TPD52L3: variants seen among roughly 807,000 people sequenced by gnomAD.
TPD52L3 encodes the protein tumor protein D55.
In TPD52L3, 12 loss-of-function variants were observed where a neutral mutation model predicts 8.7. The observed-to-expected ratio is 1.38, with a 90% CI of 0.89 to 2.24. The LOEUF (loss-of-function observed/expected upper bound fraction) is 2.24, where lower values mean the gene tolerates loss of function less well. TPD52L3 is among the 30% of genes most tolerant of loss of function. TPD52L3 has a pLI of 0.00. For synonymous variants in TPD52L3, 79 were observed against 66.8 expected (o/e 1.18, Z -0.89); for missense variants, 207 against 158.7 (o/e 1.30, Z -1.64).
In TPD52L3 at chr9:6,328,679, G is replaced by A; in HGVS notation, c.84G>A (p.Glu28=). 6 of 1,614,160 alleles carry A rather than the reference G, an allele frequency of 3.7e-6. No homozygotes were observed. The highest frequency in any genetic ancestry group is 5.1e-6 in the Non-Finnish European group (6 of 1,180,044). ...AACTGGAGGATCTGACAGAGCCCGAGCAAAGAGAGCTCAAAACCAAACTCA... is the reference window on the plus strand; with the variant it reads ...AACTGGAGGATCTGACAGAGCCCGAACAAAGAGAGCTCAAAACCAAACTCA... ...TSELEDLTEP[E]QRELKTKLTK... is the part of the protein sequence containing the mutation. Residue 28 remains glutamate, a synonymous_variant, in exon 1 of 2, where the codon GAG becomes GAA. Transcript: ENST00000314556.
At chr9:6,330,471 C>A in intron 1 of TPD52L3, 1 of 1,301,882 alleles carries the variant, frequency 7.7e-7, no homozygotes, top group Non-Finnish European at 9.8e-7. Flanking sequence ...ATCCCTCCAG[C>A]CTAAGAGGAT....
chr9:6,328,730 C>A lies in TPD52L3; in HGVS notation c.135C>A (p.Thr45=), dbSNP rs766811124. ...KLTKLEAEIV[T]LRHVLAAKER... is the part of the protein sequence containing the mutation. ...CTAAATTGGAGGCTGAAATTGTAAC[C>A]CTACGCCACGTACTAGCAGCCAAAG... Residue 45 remains threonine, a synonymous_variant, in exon 1 of 2, where the codon ACC becomes ACA. Coordinates refer to ENST00000314556, the MANE Select transcript of TPD52L3 (RefSeq NM_001001874.3). The A allele has an allele frequency of 6.2e-7, 1 of 1,613,902 alleles. No homozygotes were observed. Among genetic ancestry groups the A allele is most frequent in the East Asian group, 2.2e-5 (1 of 44,880 alleles).
At chr9:6,330,926 A>C (rs1193567823) in intron 1 of TPD52L3, 50 bp from the exon 2 acceptor site, 1 of 1,603,554 alleles carries the variant, frequency 6.2e-7, no homozygotes, top group Non-Finnish European at 8.5e-7. Context: ...TAAAAGTAGT[A>C]AAGTACATAT....
Position 6,330,989 on chromosome 9 carries a change from T to A in TPD52L3, c.381T>A (p.Asn127Lys), listed in dbSNP as rs765749522. Residue 127 changes from asparagine to lysine, a missense_variant, in exon 2 of 2, where the codon AAT becomes AAA. Physicochemically the swap from Asn to Lys is moderately conservative, Grantham distance 94. Transcript: ENST00000314556. ...TFRSFEGLIF[N>K]KYTLNQGRN ...TTTCTGGCTTAGGATTGATCTTCAATAAATACACGTTAAATCAAGGAAGGA... is the reference window on the plus strand; with the variant it reads ...TTTCTGGCTTAGGATTGATCTTCAAAAAATACACGTTAAATCAAGGAAGGA... 5 of 1,612,872 alleles carry A rather than the reference T, an allele frequency of 3.1e-6. No individual in the cohort carries two copies. The Admixed American group carries it at 8.3e-5, about 27-fold the overall frequency.
intron 1 of TPD52L3, chr9:6,329,192 C>A: frequency 1.4e-6 from 2 of 1,442,690 alleles, no homozygotes; most frequent in Non-Finnish European, 1.8e-6. Context: ...TTGCCTGGTA[C>A]TAAACCAGTG....
chr9:6,328,410 C>T lies in TPD52L3; in HGVS notation c.-186C>T. 4 of 664,166 alleles carry T rather than the reference C, an allele frequency of 6.0e-6. No individual in the cohort carries two copies. The highest frequency in any genetic ancestry group is 7.6e-6 in the Non-Finnish European group (3 of 392,204). 41.1% of individuals were successfully genotyped at this position (664,166 alleles called of 1,614,324 possible). ...TCGTCAACTCAACTGTCAAGGTGTC[C>T]ATTGTACCAGCTGGGCCATGGATCC... On this transcript the variant is annotated 5_prime_UTR_variant, in exon 1 of 2. Coordinates refer to ENST00000314556, the MANE Select transcript of TPD52L3 (RefSeq NM_001001874.3).
intron 1 of TPD52L3, chr9:6,330,103 G>C: frequency 6.3e-7 from 1 of 1,599,070 alleles, no homozygotes; most frequent in Non-Finnish European, 8.5e-7. Context: ...TCTGTCCCCT[G>C]TGATGCTGGC....
chr9:6,329,715 G>C, intron 1 of TPD52L3: 1 of 1,002,594 alleles, frequency 1.0e-6, no homozygotes, highest in Non-Finnish European at 1.2e-6. Context: ...AAAAAGAGGG[G>C]AAAATAGTGG....
Position 6,328,915 on chromosome 9 carries a change from G to A in TPD52L3, c.320G>A (p.Arg107Lys). ...ALSTMGTLIC[R>K]KLGGVKKSAT... is the part of the protein sequence containing the mutation. ...TCCACCATGGGCACTCTCATCTGCA[G>A]GAAGCTTGGAGGCGTGAAGAAGTCG... The change falls in exon 1 of 2, where the codon AGG (arginine) becomes AAG (lysine). Residue 107 changes from arginine (R) to lysine (K), a missense_variant. Transcript: ENST00000314556. 6.2e-7 allele frequency: 1 copy of A among 1,614,204 alleles called. No homozygotes were observed. Among genetic ancestry groups the A allele is most frequent in the Non-Finnish European group, 8.5e-7 (1 of 1,180,036 alleles).
At position 6,330,996 on chromosome 9, in the gene TPD52L3, A is replaced by G; in HGVS notation, c.388A>G (p.Thr130Ala). ...CTTAGGATTGATCTTCAATAAATAC[A>G]CGTTAAATCAAGGAAGGAATTAACA... ...SFEGLIFNKYTLNQGRN is the reference protein window; with the variant it reads ...SFEGLIFNKYALNQGRN The change falls in exon 2 of 2, where the codon ACG (threonine) becomes GCG (alanine). Residue 130 changes from threonine (T) to alanine (A), a missense_variant. Coordinates refer to ENST00000314556, the MANE Select transcript of TPD52L3 (RefSeq NM_001001874.3). The G allele has an allele frequency of 6.2e-7, 1 of 1,613,024 alleles. No homozygotes were observed. The highest frequency in any genetic ancestry group is 8.5e-7 in the Non-Finnish European group (1 of 1,179,490).
chr9:6,328,942 C>A lies in TPD52L3; in HGVS notation c.347C>A (p.Ala116Asp), dbSNP rs1272991489. ...CRKLGGVKKSATFRSFEGLIF... is the reference protein window; with the variant it reads ...CRKLGGVKKSDTFRSFEGLIF... ...AAGCTTGGAGGCGTGAAGAAGTCGG[C>A]CACATTCAGATCTTTTGAAGGTCTG... Residue 116 changes from alanine to aspartate, a missense_variant, in exon 1 of 2, where the codon GCC becomes GAC. Ala to Asp is a moderately radical substitution (Grantham distance 126, BLOSUM62 -2). Transcript: ENST00000314556. The A allele has an allele frequency of 3.1e-6, 5 of 1,614,070 alleles. No homozygotes were observed. The highest frequency in any genetic ancestry group is 1.6e-4 in the Middle Eastern group (1 of 6,082).
chr9:6,329,480 A>T, intron 1 of TPD52L3: 1 of 1,012,180 alleles, frequency 9.9e-7, no homozygotes, highest in African/African-American at 1.7e-5. Flanking sequence ...CAAAGCCCAA[A>T]CTCTCTTTTG....
chr9:6,330,119 T>C, intron 1 of TPD52L3: 8 of 1,605,366 alleles, frequency 5.0e-6, no homozygotes, highest in South Asian at 1.1e-5. Context: ...CTGGCTGTTA[T>C]GCCTTTGAAT....
chr9:6,330,027 G>A, intron 1 of TPD52L3: 2 of 1,391,212 alleles, frequency 1.4e-6, no homozygotes, highest in Non-Finnish European at 1.9e-6. Flanking sequence ...GGGGCTGGAG[G>A]AAAACAGGTA....
intron 1 of TPD52L3, 80 bp downstream of exon 1, chr9:6,329,042 G>A: frequency 6.2e-7 from 1 of 1,605,770 alleles, no homozygotes. Context: ...GCGGAGGGTG[G>A]GGTTGATCTG....
chr9:6,329,999 G>C, intron 1 of TPD52L3: 6 of 1,339,562 alleles, frequency 4.5e-6, no homozygotes, highest in Non-Finnish European at 5.8e-6. Flanking sequence ...TTCCTAGTTA[G>C]TTACCACCTC....
chr9:6,331,282 C>A lies in TPD52L3; in HGVS notation c.*263C>A. ...GCTGTGTGCCAGAGATAAAAGAAGT[C>A]CTGAGGAAGGGGTGTTCAACTCTGT... On this transcript the variant is annotated 3_prime_UTR_variant, in exon 2 of 2. Coordinates refer to ENST00000314556, the MANE Select transcript of TPD52L3 (RefSeq NM_001001874.3). 1 of 324,500 alleles carries A rather than the reference C, an allele frequency of 3.1e-6. No homozygotes were observed. Among genetic ancestry groups the A allele is most frequent in the Non-Finnish European group, 5.6e-6 (1 of 177,300 alleles). 20.1% of individuals were successfully genotyped at this position (324,500 alleles called of 1,614,324 possible). A position where few individuals can be genotyped will look rare whatever the true frequency, so the allele number is the denominator to read the frequency against.
rs369307917 is a variant in TPD52L3, at chr9:6,331,089, C to A, written c.*70C>A. The A allele has an allele frequency of 1.3e-6, 2 of 1,525,752 alleles. No homozygotes were observed. The highest frequency in any genetic ancestry group is 2.4e-5 in the South Asian group (2 of 84,396). 94.5% of individuals were successfully genotyped at this position (1,525,752 alleles called of 1,614,324 possible). A position where few individuals can be genotyped will look rare whatever the true frequency, so the allele number is the denominator to read the frequency against. On this transcript the variant is annotated 3_prime_UTR_variant, in exon 2 of 2. Coordinates refer to ENST00000314556, the MANE Select transcript of TPD52L3 (RefSeq NM_001001874.3). ...AACAACATGAACTTGTTCACAAGTT[C>A]CTTCTGCTTTTAAACAAAAATATCG...
At position 6,328,769 on chromosome 9, in the gene TPD52L3, G is replaced by A. The variant is rs1381226157; in HGVS notation, c.174G>A (p.Gly58=). The change falls in exon 1 of 2, where the codon GGG becomes GGA. Residue 58 remains glycine, a synonymous_variant. Coordinates refer to ENST00000314556, the MANE Select transcript of TPD52L3 (RefSeq NM_001001874.3). ...HVLAAKERRC[G]ELKRKLGLTA... Reference sequence around the variant, plus strand: ...TAGCAGCCAAAGAGAGACGCTGTGGGGAACTCAAGAGGAAGTTAGGCCTCA... The same window carrying A: ...TAGCAGCCAAAGAGAGACGCTGTGGAGAACTCAAGAGGAAGTTAGGCCTCA... The A allele has an allele frequency of 1.2e-6, 2 of 1,614,034 alleles. No individual in the cohort carries two copies. Among genetic ancestry groups the A allele is most frequent in the Non-Finnish European group, 1.7e-6 (2 of 1,180,044 alleles).
Sources: allele counts gnomAD v4.1 joint callset, GRCh38; gene constraint gnomAD v4.1.1; transcripts MANE v1.5; gene names NCBI Gene and HGNC (gene_info 2026-07-23, HGNC 2026-07-21).